Variants in SH3BP4 observed in about 807,000 individuals in gnomAD.
The protein encoded by SH3BP4 is SH3 domain-binding protein 4.
SH3BP4 carries 33 observed loss-of-function variants against 65.5 expected under a neutral mutation model. The observed-to-expected ratio is 0.50, with a 90% CI of 0.38 to 0.67. The LOEUF (loss-of-function observed/expected upper bound fraction) is 0.67. Among genes scored for constraint, SH3BP4 ranks in the 30% least tolerant of loss-of-function variants. The pLI is 0.00. For synonymous variants in SH3BP4, 552 were observed against 545.5 expected, an observed-to-expected ratio of 1.01 and a Z score of -0.17; for missense variants, 1,134 against 1,261.4, an observed-to-expected ratio of 0.90 and a Z score of 1.53.
chr2:235,028,985 G>T (rs775615348), intron 2 of SH3BP4, among the ~76,000 whole-genome samples: 3 of 152,188 alleles, frequency 2.0e-5, no homozygotes, highest in Non-Finnish European at 2.9e-5. Context: ...GCTGATGAGA[G>T]CCCAGGAGCC....
intron 4 of SH3BP4, among the ~76,000 whole-genome samples, chr2:235,044,271 G>GTAA (rs1695771468): frequency 6.6e-6 from 1 of 152,260 alleles, no homozygotes; most frequent in Non-Finnish European, 1.5e-5. Flanking sequence ...AAAGGGGGAA[G>GTAA]TAAGCATCAG....
At chr2:234,994,282 G>A (rs919264867) in intron 1 of SH3BP4, among the ~76,000 whole-genome samples, 5 of 152,272 alleles carry the variant, frequency 3.3e-5, no homozygotes, top group African/African-American at 1.2e-4. Context: ...TCCTTCTTGG[G>A]TGATTGTGAC....
At chr2:234,964,063 C>T (rs1692779014) in intron 1 of SH3BP4, among the ~76,000 whole-genome samples, 1 of 152,190 alleles carries the variant, frequency 6.6e-6, no homozygotes, top group Admixed American at 6.5e-5. Flanking sequence ...GGCCTGGCTG[C>T]CTCCTCAGGT....
At chr2:235,040,151 C>T (rs1170139597) in intron 3 of SH3BP4, among the ~76,000 whole-genome samples, 3 of 152,206 alleles carry the variant, frequency 2.0e-5, no homozygotes, top group African/African-American at 4.8e-5. Context: ...AGGAGAATCA[C>T]TTGAATCTGA....
chr2:234,969,824 G>C (rs1031449332), intron 1 of SH3BP4, among the ~76,000 whole-genome samples: 3 of 152,158 alleles, frequency 2.0e-5, no homozygotes, highest in Admixed American at 2.0e-4. Context: ...TTCAGGCTGA[G>C]ACGCGTGCTT....
intron 1 of SH3BP4, among the ~76,000 whole-genome samples, chr2:234,986,000 C>A (rs1693544391): frequency 6.6e-6 from 1 of 151,158 alleles, no homozygotes; most frequent in Non-Finnish European, 1.5e-5. Flanking sequence ...CAGCCTCTGA[C>A]ACTCATCTAC....
At chr2:234,980,145 G>A (rs1036168478) in intron 1 of SH3BP4, among the ~76,000 whole-genome samples, 5 of 152,278 alleles carry the variant, frequency 3.3e-5, no homozygotes, top group Admixed American at 2.6e-4. Context: ...ATTACTATGT[G>A]CCTTTCCCCT....
At chr2:234,965,916 T>C (rs1232023214) in intron 1 of SH3BP4, among the ~76,000 whole-genome samples, 1 of 152,138 alleles carries the variant, frequency 6.6e-6, no homozygotes, top group Non-Finnish European at 1.5e-5. Context: ...GATTTGCAAA[T>C]AGGCAATGCA....
In SH3BP4 at chr2:234,985,415, C is replaced by T. The variant is rs573707647; in HGVS notation, c.-206-9888C>T. On this transcript the variant is annotated intron_variant, in intron 1 of 5. Coordinates refer to ENST00000392011, the MANE Select transcript of SH3BP4 (RefSeq NM_014521.3). ...AATGAAGGGGAATGAAGTGGGAAAA[C>T]GCATCTCACCTGCATACACATTTTT... 4.6e-5 allele frequency among the ~76,000 whole-genome samples: 7 copies of T among 152,280 alleles called. No individual in the cohort carries two copies. In the East Asian group the frequency reaches 1.2e-3, roughly 25 times the overall value.
intron 3 of SH3BP4, among the ~76,000 whole-genome samples, chr2:235,037,356 C>G (rs1260356156): frequency 2.0e-5 from 3 of 152,106 alleles, no homozygotes; most frequent in African/African-American, 7.2e-5. Context: ...GTCCACCTCC[C>G]TAGGGTTCTG....
rs1305518229 is a variant in SH3BP4, at chr2:235,041,775, A to G, written c.1006A>G (p.Ser336Gly). ...SGGAVQLPDT[S>G]ISIHVPEGHV... is the part of the protein sequence containing the mutation. ...GGGTGCTGTCCAGCTTCCTGACACC[A>G]GCATCAGCATCCACGTGCCCGAGGG... Residue 336 changes from serine (S) to glycine (G), a missense_variant, in exon 4 of 6, where the codon AGC becomes GGC. Ser to Gly is a moderately conservative substitution (Grantham distance 56). Transcript: ENST00000392011. This position sits in a 1 kb window ranked among gnomAD's most constrained non-coding sequence, Gnocchi z 6.0. The G allele has an allele frequency of 6.3e-6, 10 of 1,597,840 alleles. No individual in the cohort carries two copies. The East Asian group carries it at 2.2e-4, about 36-fold the overall frequency.
intron 2 of SH3BP4, among the ~76,000 whole-genome samples, chr2:235,019,615 T>C (rs1011208779): frequency 5.9e-5 from 9 of 151,896 alleles, no homozygotes; most frequent in Admixed American, 5.2e-4. Context: ...TTTTTACTTT[T>C]AGTGGAGATG....
chr2:235,041,028 A>C lies in SH3BP4; in HGVS notation c.259A>C (p.Thr87Pro). 6.2e-7 allele frequency: 1 copy of C among 1,614,184 alleles called. No individual in the cohort carries two copies. Among genetic ancestry groups the C allele is most frequent in the Non-Finnish European group, 8.5e-7 (1 of 1,180,036 alleles). ...GGGCGACCATCTCTACGTCTTGGAC[A>C]CATCTGGCGGTGAGTGGTGGTACGC... ...SKGDHLYVLD[T>P]SGGEWWYAHN... The change falls in exon 4 of 6, where the codon ACA becomes CCA. Residue 87 changes from threonine to proline, a missense_variant. Thr to Pro is a conservative substitution (Grantham distance 38). Coordinates refer to ENST00000392011, the MANE Select transcript of SH3BP4 (RefSeq NM_014521.3). The surrounding 1 kb of genome is among the most constrained non-coding windows in gnomAD (Gnocchi z 6.0).
chr2:234,962,261 C>G (rs1186446233), intron 1 of SH3BP4, among the ~76,000 whole-genome samples: 1 of 152,014 alleles, frequency 6.6e-6, no homozygotes, highest in Non-Finnish European at 1.5e-5. Context: ...CTCAGCCTCC[C>G]TAGTAGCTGG....
Position 234,997,137 on chromosome 2 carries a change from TG to T in SH3BP4, c.-133+1765del, listed in dbSNP as rs1249679193. ...GCAGAGCGTTGCATGTGCCTCTGGG[TG>T]GGGTGTAGGGGTGCTTGGGGGCGTG... On this transcript the variant is annotated intron_variant, in intron 2 of 5. Coordinates refer to ENST00000392011, the MANE Select transcript of SH3BP4 (RefSeq NM_014521.3). This position sits in a 1 kb window ranked among gnomAD's most constrained non-coding sequence, Gnocchi z 4.2. 6.6e-6 allele frequency among the ~76,000 whole-genome samples: 1 copy of T among 151,996 alleles called. No individual in the cohort carries two copies. Among genetic ancestry groups the T allele is most frequent in the African/African-American group, 2.4e-5 (1 of 41,372 alleles).
In SH3BP4 at chr2:235,007,643, G is replaced by A. The variant is rs532991309; in HGVS notation, c.-133+12267G>A. On this transcript the variant is annotated intron_variant, in intron 2 of 5. Coordinates refer to ENST00000392011, the MANE Select transcript of SH3BP4 (RefSeq NM_014521.3). ...TGATTGACTGGTTTTGGAGGAAGGAGGAATTTAGGATGAGGGATTTCTGGG... is the reference window on the plus strand; with the variant it reads ...TGATTGACTGGTTTTGGAGGAAGGAAGAATTTAGGATGAGGGATTTCTGGG... 3.3e-4 allele frequency among the ~76,000 whole-genome samples: 50 copies of A among 152,354 alleles called. 1 individual carries two copies. The South Asian group carries it at 9.9e-3, about 30-fold the overall frequency.
chr2:234,983,636 G>C (rs1693458382), intron 1 of SH3BP4, among the ~76,000 whole-genome samples: 1 of 152,208 alleles, frequency 6.6e-6, no homozygotes, highest in Non-Finnish European at 1.5e-5. Context: ...GAAGGCTCTT[G>C]AGATGGTGAG....
In SH3BP4 at chr2:235,038,272, TA is replaced by T. The variant is rs57067346; in HGVS notation, c.119-2614del. ...TATTATATATAATATATATTATATA[TA>T]ATATATATTATATATAATATATATA... On this transcript the variant is annotated intron_variant, in intron 3 of 5. Coordinates refer to ENST00000392011, the MANE Select transcript of SH3BP4 (RefSeq NM_014521.3). 5.3e-3 allele frequency among the ~76,000 whole-genome samples: 110 copies of T among 20,794 alleles called. 6 individuals carry two copies. Among genetic ancestry groups the T allele is most frequent in the African/African-American group, 0.05 (107 of 2,142 alleles). The allele number at this position is 20,794 out of a possible 152,430, so 13.6% of individuals were successfully genotyped here.
At chr2:234,958,730 G>C (rs945080303) in intron 1 of SH3BP4, among the ~76,000 whole-genome samples, 2 of 152,012 alleles carry the variant, frequency 1.3e-5, no homozygotes, top group East Asian at 1.9e-4. Flanking sequence ...AAAGCAGACG[G>C]GACAGTTCTG....
Sources: allele counts gnomAD v4.1 joint callset (sites outside exome capture counted in the v4.1 genomes callset), GRCh38; gene constraint gnomAD v4.1.1; non-coding constraint Gnocchi (gnomAD v3.1); transcripts MANE v1.5; gene names NCBI Gene and HGNC (gene_info 2026-07-23, HGNC 2026-07-21).